The following CENATAC variants were observed in gnomAD, a reference collection of about 807,000 sequenced individuals.
The protein encoded by CENATAC is coiled-coil domain containing 84.
A neutral mutation model predicts 53.7 loss-of-function variants in CENATAC; 53 were observed. The ratio of observed to expected loss-of-function variants is 0.99; its 90% confidence interval spans 0.79 to 1.24. The LOEUF (loss-of-function observed/expected upper bound fraction) is 1.24, where lower values mean the gene tolerates loss of function less well. Ranked by LOEUF, CENATAC falls within the 50% of genes most tolerant of loss-of-function variation. CENATAC has a pLI of 0.00. For synonymous variants in CENATAC, 156 were observed against 144.6 expected, an observed-to-expected ratio of 1.08 and a Z score of -0.57; for missense variants, 474 against 417.8, an observed-to-expected ratio of 1.13 and a Z score of -1.17.
chr11:119,003,490 G>T, intron 3 of CENATAC: 1 of 421,304 alleles, frequency 2.4e-6, no homozygotes, highest in Non-Finnish European at 4.6e-6. Flanking sequence ...TAGAGATAGG[G>T]TGTCACCATG....
At position 119,013,513 on chromosome 11, in the gene CENATAC, G is replaced by A. The variant is rs796658475; in HGVS notation, c.715+251G>A. 1.7e-3 allele frequency among the ~76,000 whole-genome samples: 256 copies of A among 150,104 alleles called. 1 individual carries two copies. Among genetic ancestry groups the A allele is most frequent in the African/African-American group, 6.1e-3 (250 of 40,786 alleles). On this transcript the variant is annotated intron_variant, in intron 8 of 10. Transcript: ENST00000334418. ...GAGTCTCGCTCTGTCGCCCAGGCTG[G>A]AGTGCAGTGGCGGGATCTCGGCTCA...
In CENATAC at chr11:119,010,820, T is replaced by C; in HGVS notation, c.440T>C (p.Val147Ala). The change falls in exon 4 of 11, where the codon GTG becomes GCG. Residue 147 changes from valine (V) to alanine (A), a missense_variant. Transcript: ENST00000334418. Reference protein sequence around the residue: ...LDSYEEKEDKVIKEMAAQIRE... With the variant: ...LDSYEEKEDKAIKEMAAQIRE... ...TCCTATGAAGAAAAGGAGGATAAAGTGATCAAGGAGGTAAGTTAAAGTAGC... is the reference window on the plus strand; with the variant it reads ...TCCTATGAAGAAAAGGAGGATAAAGCGATCAAGGAGGTAAGTTAAAGTAGC... The C allele has an allele frequency of 6.2e-7, 1 of 1,613,970 alleles. No homozygotes were observed. The highest frequency in any genetic ancestry group is 8.5e-7 in the Non-Finnish European group (1 of 1,179,884).
At chr11:119,009,209 A>G (rs142850436) in intron 3 of CENATAC, among the ~76,000 whole-genome samples, 2,977 of 151,942 alleles carry the variant, frequency 0.02, 93 homozygotes, top group African/African-American at 0.068. Flanking sequence ...GCTCACTGCA[A>G]CCTCCACCTC....
chr11:119,004,056 CT>C (rs1194609000), intron 3 of CENATAC, among the ~76,000 whole-genome samples: 1 of 152,184 alleles, frequency 6.6e-6, no homozygotes, highest in African/African-American at 2.4e-5. Flanking sequence ...AATAGCTTTC[CT>C]TTAATGTTAC....
At position 119,011,990 on chromosome 11, in the gene CENATAC, A is replaced by G; in HGVS notation, c.565A>G (p.Lys189Glu). ...EEGSSAPRSW[K>E]GMNSQVASSL... Reference sequence around the variant, plus strand: ...GGGCTCTTCAGCACCTAGAAGCTGGAAAGGGATGAACAGGTAAGACTATTA... The same window carrying G: ...GGGCTCTTCAGCACCTAGAAGCTGGGAAGGGATGAACAGGTAAGACTATTA... The change falls in exon 6 of 11, where the codon AAA becomes GAA. Residue 189 changes from lysine (K) to glutamate (E), a missense_variant. By Grantham distance (56) the Lys-to-Glu change is moderately conservative. Transcript: ENST00000334418. 1.2e-6 allele frequency: 2 copies of G among 1,614,032 alleles called. No homozygotes were observed. The highest frequency in any genetic ancestry group is 2.2e-5 in the South Asian group (2 of 91,068).
Position 118,998,484 on chromosome 11 carries a change from GA to G in CENATAC, c.177del (p.Glu59AspfsTer19). 1 of 1,613,210 alleles carries G rather than the reference GA, an allele frequency of 6.2e-7. No individual in the cohort carries two copies. Among genetic ancestry groups the G allele is most frequent in the Non-Finnish European group, 8.5e-7 (1 of 1,179,766 alleles). ...RAAQVERYVP[E>X]HERCCWCLCC... ...CGCTCAGGTGGAGCGCTATGTGCCC[GA>G]ACACGAGCGATGCTGCTGGTGCCTG... is the stretch of plus-strand genomic sequence containing the variant. On this transcript the variant is annotated frameshift_variant, in exon 2 of 11. Transcript: ENST00000334418. LOFTEE classifies it high-confidence loss of function.
chr11:119,001,504 G>A, intron 3 of CENATAC: 2 of 412,406 alleles, frequency 4.8e-6, no homozygotes, highest in South Asian at 1.7e-5. Flanking sequence ...CGATTCTCCC[G>A]TTTCAGCCTG....
chr11:118,999,062 G>A lies in CENATAC; in HGVS notation c.336G>A (p.Glu112=), dbSNP rs1301986103. The change falls in exon 3 of 11, where the codon GAG becomes GAA. Residue 112 remains glutamate, a synonymous_variant. Coordinates refer to ENST00000334418, the MANE Select transcript of CENATAC (RefSeq NM_198489.3). ...TNKFWWENKA[E]VQMKEKFLVT... The stretch of plus-strand genomic sequence containing the variant: ...AATTCTGGTGGGAGAACAAAGCTGA[G>A]GTCCAGATGAAAGAGAAGTTTCTGG... 1 of 1,614,122 alleles carries A rather than the reference G, an allele frequency of 6.2e-7. No homozygotes were observed.
rs375939520 is a variant in CENATAC, at chr11:118,998,837, C to T, written c.285-174C>T. ...CCCCTAACCTCCCCTCAGATTCTCA[C>T]AATTTTATGGGAAGAAGAGACACGA... On this transcript the variant is annotated intron_variant, in intron 2 of 10. Coordinates refer to ENST00000334418, the MANE Select transcript of CENATAC (RefSeq NM_198489.3). 3.9e-5 allele frequency among the ~76,000 whole-genome samples: 6 copies of T among 152,090 alleles called. No homozygotes were observed. In the East Asian group the frequency reaches 1.2e-3, roughly 29 times the overall value.
In CENATAC at chr11:119,011,214, C is replaced by T. The variant is rs782228114; in HGVS notation, c.451-7C>T. The T allele has an allele frequency of 1.2e-6, 2 of 1,613,596 alleles. No homozygotes were observed. The highest frequency in any genetic ancestry group is 3.3e-5 in the Admixed American group (2 of 60,000). On this transcript the variant is annotated splice_polypyrimidine_tract_variant and splice_region_variant and intron_variant, in intron 4 of 10. Transcript: ENST00000334418. ...CTGTACCTGTCTAAGCAGCCTCTCT[C>T]CCACAGATGGCAGCTCAGATCCGTG...
Position 119,015,447 on chromosome 11 carries a change from T to C in CENATAC, c.938+8T>C. On this transcript the variant is annotated splice_region_variant and intron_variant, in intron 10 of 10. Coordinates refer to ENST00000334418, the MANE Select transcript of CENATAC (RefSeq NM_198489.3). The stretch of plus-strand genomic sequence containing the variant: ...ACGCCGCTGGCAGTCCAGGTATGTG[T>C]GTTCAGTGCCGGGTCTCCAACCTAC... The C allele has an allele frequency of 6.2e-7, 1 of 1,613,870 alleles. No individual in the cohort carries two copies. The highest frequency in any genetic ancestry group is 1.1e-5 in the South Asian group (1 of 91,076).
Position 119,013,240 on chromosome 11 carries a change from A to C in CENATAC, c.693A>C (p.Pro231=). 1 of 1,609,568 alleles carries C rather than the reference A, an allele frequency of 6.2e-7. No homozygotes were observed. The highest frequency in any genetic ancestry group is 8.5e-7 in the Non-Finnish European group (1 of 1,177,896). ...CCCATTTCCAACTACAGGATATACC[A>C]GGAGTTGGTAACATCCACTCAGGTA... ...SLTFIGHQDI[P]GVGNIHSGAT... The change falls in exon 8 of 11, where the codon CCA becomes CCC. Residue 231 remains proline (P), a synonymous_variant. Coordinates refer to ENST00000334418, the MANE Select transcript of CENATAC (RefSeq NM_198489.3).
At chr11:119,009,928 T>A (rs1942787425) in intron 3 of CENATAC, 1 of 152,222 alleles carries the variant, frequency 6.6e-6, no homozygotes, top group Admixed American at 6.5e-5. Flanking sequence ...GGAGAATTGC[T>A]TGAGCCCAGG....
Position 119,015,320 on chromosome 11 carries a change from G to A in CENATAC, c.819G>A (p.Lys273=), listed in dbSNP as rs782161782. 2.5e-6 allele frequency: 4 copies of A among 1,611,320 alleles called. No homozygotes were observed. Among genetic ancestry groups the A allele is most frequent in the African/African-American group, 2.7e-5 (2 of 74,616 alleles). Residue 273 remains lysine, a synonymous_variant, in exon 10 of 11, where the codon AAG becomes AAA. Transcript: ENST00000334418. The stretch of plus-strand genomic sequence containing the variant: ...ATCATTGTACAGAGGAAAAACAGAA[G>A]TTGAAAAAACTCCCCCCAGACCGAG... The part of the protein sequence containing the change: ...EEFLKEKEKQ[K]LKKLPPDRVG...
At chr11:119,004,584 G>A (rs1468336923) in intron 3 of CENATAC, 1 of 152,086 alleles carries the variant, frequency 6.6e-6, no homozygotes, top group Non-Finnish European at 1.5e-5. Flanking sequence ...ATCTGGATTA[G>A]CTGGGCATAT....
intron 3 of CENATAC, among the ~76,000 whole-genome samples, chr11:119,009,105 G>A (rs1942747170): frequency 6.6e-6 from 1 of 152,150 alleles, no homozygotes; most frequent in Non-Finnish European, 1.5e-5. Context: ...CACAGTGACA[G>A]TCTGATCTTT....
intron 3 of CENATAC, among the ~76,000 whole-genome samples, chr11:119,004,253 A>AT (rs1228690919): frequency 0.019 from 2,749 of 146,674 alleles, 74 homozygotes; most frequent in African/African-American, 0.063. Flanking sequence ...TGATTTTCAG[A>AT]TTTTTTTTTT....
intron 3 of CENATAC, among the ~76,000 whole-genome samples, chr11:119,008,238 A>G (rs1942697132): frequency 6.6e-6 from 1 of 152,250 alleles, no homozygotes; most frequent in African/African-American, 2.4e-5. Flanking sequence ...TCAGCACACC[A>G]AGGACCTGCA....
At chr11:119,014,893 T>G (rs540465205) in intron 8 of CENATAC, 101 bp from the exon 9 acceptor site, 13 of 774,186 alleles carry the variant, frequency 1.7e-5, no homozygotes, top group Non-Finnish European at 2.5e-5. Flanking sequence ...TTTTAGACAT[T>G]TCTAGCTCTT....
Sources: gnomAD v4.1 joint callset for allele counts (sites outside exome capture counted in the v4.1 genomes callset) on GRCh38, gnomAD v4.1.1 for gene constraint, MANE v1.5 for transcripts, NCBI Gene and HGNC (gene_info 2026-07-23, HGNC 2026-07-21) for gene names.